The following NRG1 variants were observed in gnomAD, a reference collection of about 807,000 sequenced individuals.
NRG1 encodes the protein pro-neuregulin-1, membrane-bound isoform.
NRG1 carries 18 observed loss-of-function variants against 63.8 expected under a neutral mutation model. The ratio of observed to expected loss-of-function variants is 0.28; its 90% CI spans 0.19 to 0.42. The LOEUF (loss-of-function observed/expected upper bound fraction) is 0.42. Ranked by LOEUF, NRG1 falls within the 10% of genes least tolerant of loss-of-function variation. NRG1 has a pLI of 1.00. For missense variants in NRG1, 762 were observed against 814.7 expected (o/e 0.94, Z 0.79); for synonymous variants, 302 against 301.3 (o/e 1.00, Z -0.02).
chr8:32,356,823 G>A lies in NRG1; in HGVS notation c.38-239005G>A, dbSNP rs545036889. Among the ~76,000 whole-genome samples the A allele has an allele frequency of 4.6e-5, 7 of 151,738 alleles. No homozygotes were observed. The South Asian group carries it at 1.2e-3, about 27-fold the overall frequency. ...TTCATTTCATCATTGGGCAGAATGC[G>A]TTCTAAAATGAAGAGACTAAAACCT... On this transcript the variant is annotated intron_variant, in intron 1 of 10. Coordinates refer to the NRG1 transcript ENST00000519301.
intron 1 of NRG1, among the ~76,000 whole-genome samples, chr8:31,697,834 T>TG (rs1423382892): frequency 5.9e-5 from 9 of 152,052 alleles, no homozygotes; most frequent in African/African-American, 2.2e-4. Flanking sequence ...ATACAAGACT[T>TG]GTACATTTTT....
chr8:32,525,839 T>C (rs1258143630), intron 1 of NRG1, among the ~76,000 whole-genome samples: 1 of 152,162 alleles, frequency 6.6e-6, no homozygotes, highest in Non-Finnish European at 1.5e-5. Context: ...TATAGGAGCA[T>C]AGATTTCAGC....
chr8:32,485,201 G>T (rs1452645431), intron 1 of NRG1, among the ~76,000 whole-genome samples: 1 of 150,228 alleles, frequency 6.7e-6, no homozygotes, highest in Non-Finnish European at 1.5e-5. Flanking sequence ...CGCAACCTCT[G>T]CCTCTTGGGT....
At chr8:31,801,139 T>G (rs6994871) in intron 1 of NRG1, among the ~76,000 whole-genome samples, 113,662 of 151,830 alleles carry the variant, frequency 0.75, 43,031 homozygotes, top group East Asian at 0.99. Context: ...GAGCCACCGT[T>G]CCCGGCCTCT....
intron 1 of NRG1, among the ~76,000 whole-genome samples, chr8:31,879,794 G>A (rs955473817): frequency 4.6e-5 from 7 of 152,026 alleles, no homozygotes; most frequent in African/African-American, 1.7e-4. Flanking sequence ...CCTCTTATAA[G>A]TAAGAACATG....
At chr8:32,346,726 G>T (rs2129479008) in intron 1 of NRG1, among the ~76,000 whole-genome samples, 1 of 152,090 alleles carries the variant, frequency 6.6e-6, no homozygotes. Context: ...ATATAGCATA[G>T]TTGGTACATA....
At chr8:32,106,095 G>A (rs1831223128) in intron 1 of NRG1, among the ~76,000 whole-genome samples, 2 of 152,198 alleles carry the variant, frequency 1.3e-5, no homozygotes, top group South Asian at 4.1e-4. Context: ...CAAACGTTGT[G>A]TGTGCATATA....
chr8:32,252,260 A>G (rs923993270), intron 1 of NRG1, among the ~76,000 whole-genome samples: 8 of 152,012 alleles, frequency 5.3e-5, no homozygotes, highest in Non-Finnish European at 1.2e-4. Flanking sequence ...TTAATCATGA[A>G]GTTTTTGCCC....
intron 1 of NRG1, among the ~76,000 whole-genome samples, chr8:31,994,653 CAAAAAAAAAA>C (rs59019886): frequency 1.1e-3 from 66 of 62,338 alleles, no homozygotes; most frequent in Non-Finnish European, 1.7e-3. Context: ...TACTCTGTCT[CAAAAAAAAAA>C]AAAAAAAAAA....
At chr8:31,639,655 G>C in intron 1 of NRG1, 1 of 1,397,412 alleles carries the variant, frequency 7.2e-7, no homozygotes, top group Non-Finnish European at 9.2e-7. Context: ...CCCGACAGCA[G>C]GGCTCGGGCG....
chr8:32,420,039 T>A (rs1410011526), intron 1 of NRG1, among the ~76,000 whole-genome samples: 1 of 152,192 alleles, frequency 6.6e-6, no homozygotes, highest in Non-Finnish European at 1.5e-5. Context: ...TGCTGATGAC[T>A]CTTCCAGAAG....
At chr8:32,733,377 A>G (rs950741383) in intron 6 of NRG1, among the ~76,000 whole-genome samples, 8 of 152,236 alleles carry the variant, frequency 5.3e-5, no homozygotes, top group African/African-American at 1.9e-4. Flanking sequence ...AGAGACAGGT[A>G]TGAAAAACAT....
chr8:32,444,967 C>T (rs1820059233), intron 1 of NRG1, among the ~76,000 whole-genome samples: 1 of 152,170 alleles, frequency 6.6e-6, no homozygotes, highest in Non-Finnish European at 1.5e-5. Context: ...AGCTGCTGCC[C>T]TTACATGTAG....
At chr8:32,721,168 G>T (rs928793419) in intron 5 of NRG1, among the ~76,000 whole-genome samples, 4 of 152,122 alleles carry the variant, frequency 2.6e-5, no homozygotes, top group Non-Finnish European at 5.9e-5. Flanking sequence ...TGAATTCTTA[G>T]CTAGAGGTAT....
chr8:32,499,547 A>G (rs185216088), intron 1 of NRG1, among the ~76,000 whole-genome samples: 1 of 152,170 alleles, frequency 6.6e-6, no homozygotes, highest in East Asian at 1.9e-4. Context: ...AGTTGTATGC[A>G]CCTGTGGTAC....
At chr8:32,539,914 A>G (rs1832406435) in intron 1 of NRG1, among the ~76,000 whole-genome samples, 1 of 152,228 alleles carries the variant, frequency 6.6e-6, no homozygotes, top group East Asian at 1.9e-4. Flanking sequence ...AGGATTAAAA[A>G]GAGAAGAGTT....
At position 32,411,095 on chromosome 8, in the gene NRG1, C is replaced by T. The variant is rs1300508431; in HGVS notation, c.38-184733C>T. Among the ~76,000 whole-genome samples the T allele has an allele frequency of 5.3e-5, 8 of 152,074 alleles. No individual in the cohort carries two copies. In the South Asian group the frequency reaches 8.3e-4, roughly 16 times the overall value. ...TTCACCAAGTTGACCAGGATGGTCT[C>T]GATCTGGTGACCTCTTGATCTGCCC... On this transcript the variant is annotated intron_variant, in intron 1 of 10. Coordinates refer to the NRG1 transcript ENST00000519301.
rs531777310 is a variant in NRG1, at chr8:32,614,894, T to C, written c.451+330T>C. ...TGTCTTTCCAGGTGATTCTCTTAGC[T>C]GCCTTCTACTCTTTCACCCCTCAGA... is the stretch of plus-strand genomic sequence containing the variant. On this transcript the variant is annotated intron_variant, in intron 4 of 11. Coordinates refer to ENST00000356819, the Ensembl canonical transcript of NRG1. Among the ~76,000 whole-genome samples, 6 of 152,258 alleles carry C rather than the reference T, an allele frequency of 3.9e-5. No homozygotes were observed. The East Asian group carries it at 1.2e-3, about 29-fold the overall frequency.
intron 1 of NRG1, among the ~76,000 whole-genome samples, chr8:32,577,099 C>T (rs2466070): frequency 0.48 from 73,314 of 151,924 alleles, 17,900 homozygotes; most frequent in East Asian, 0.78. Flanking sequence ...TGCATTAATT[C>T]GCTTAGGATA....
Sources: allele counts gnomAD v4.1 joint callset (sites outside exome capture counted in the v4.1 genomes callset), GRCh38; gene constraint gnomAD v4.1.1; transcripts MANE v1.5; gene names NCBI Gene and HGNC (gene_info 2026-07-23, HGNC 2026-07-21).